OR2L13: variants seen among roughly 807,000 people sequenced by gnomAD.
The protein encoded by OR2L13 is olfactory receptor family 2 subfamily L member 13, also known as olfactory receptor 2L13.
Under a neutral mutation model 15.3 loss-of-function variants are expected in OR2L13, and 14 were observed. The ratio of observed to expected loss-of-function variants is 0.91; its 90% confidence interval spans 0.60 to 1.43. OR2L13 has a LOEUF of 1.43. OR2L13 is among the 40% of genes most tolerant of loss of function. OR2L13 has a pLI of 0.00. For missense variants in OR2L13, 367 were observed against 387.9 expected (o/e 0.95, Z 0.45); for synonymous variants, 152 against 142.9 (o/e 1.06, Z -0.45).
upstream of OR2L13, among the ~76,000 whole-genome samples, chr1:248,095,532 C>T (rs187254610): frequency 2.0e-5 from 3 of 147,888 alleles, no homozygotes; most frequent in Admixed American, 2.1e-4. Flanking sequence ...ACTATCAGAA[C>T]ATAGTTTGAT....
the OR2L13 span, among the ~76,000 whole-genome samples, chr1:247,960,236 C>T: frequency 0.8 from 121,242 of 151,912 alleles, 52,566 homozygotes; most frequent in South Asian, 0.95. Flanking sequence ...GTATCAGCAG[C>T]GGAGGCTGCA....
At chr1:248,100,051 C>T (rs868306762) in exon 3 of OR2L13, 1 of 1,614,084 alleles carries the variant, frequency 6.2e-7, no homozygotes, top group Non-Finnish European at 8.5e-7. Context: ...TGCTGTCTAT[C>T]ATATGCACTC....
upstream of OR2L13, among the ~76,000 whole-genome samples, chr1:248,090,653 A>G (rs1435029128): frequency 1.3e-5 from 2 of 152,188 alleles, no homozygotes; most frequent in Non-Finnish European, 2.9e-5. Context: ...TTCGTGGTGT[A>G]TATGTACTAC....
At chr1:247,959,098 C>G in the OR2L13 span, among the ~76,000 whole-genome samples, 12 of 152,172 alleles carry the variant, frequency 7.9e-5, no homozygotes, top group South Asian at 4.2e-4. Context: ...TCCTTTCCAT[C>G]TTTAGTGCTT....
the OR2L13 span, among the ~76,000 whole-genome samples, chr1:247,956,857 C>T: frequency 4.6e-5 from 7 of 152,080 alleles, no homozygotes; most frequent in East Asian, 9.7e-4. Context: ...GAGACAATGG[C>T]GTTTTCTAGA....
At chr1:248,077,105 G>A in the OR2L13 span, among the ~76,000 whole-genome samples, 1 of 151,992 alleles carries the variant, frequency 6.6e-6, no homozygotes, top group African/African-American at 2.4e-5. Context: ...ATAATCATGT[G>A]GTTTTTGTCA....
the OR2L13 span, among the ~76,000 whole-genome samples, chr1:248,083,172 G>A: frequency 6.6e-6 from 1 of 152,038 alleles, no homozygotes; most frequent in Non-Finnish European, 1.5e-5. Context: ...AATGTGATTT[G>A]TCTTTGGTGG....
exon 3 of OR2L13, chr1:248,099,427 C>T: frequency 1.2e-6 from 2 of 1,613,844 alleles, no homozygotes; most frequent in Non-Finnish European, 1.7e-6. Flanking sequence ...GGGTCTGCTT[C>T]CCCCAAATCA....
chr1:247,949,679 T>G, the OR2L13 span: 8 of 1,613,840 alleles, frequency 5.0e-6, no homozygotes, highest in Admixed American at 1.7e-5. Context: ...AGGTTCTGGC[T>G]GTCTTCTACA....
At chr1:248,000,123 G>GTGTGTGTGTGTGTGTGTGTGTGTGT in the OR2L13 span, among the ~76,000 whole-genome samples, 2 of 138,246 alleles carry the variant, frequency 1.4e-5, no homozygotes, top group African/African-American at 5.3e-5. Flanking sequence ...TTTTTTTTTT[G>GTGTGTGTGTGTGTGTGTGTGTGTGT]GTGTGTGTGT....
chr1:248,009,376 C>T, the OR2L13 span, among the ~76,000 whole-genome samples: 1 of 152,104 alleles, frequency 6.6e-6, no homozygotes, highest in South Asian at 2.1e-4. Flanking sequence ...CGACTATCAT[C>T]AGAGAATACT....
chr1:247,947,080 T>G, the OR2L13 span, among the ~76,000 whole-genome samples: 1 of 152,030 alleles, frequency 6.6e-6, no homozygotes, highest in African/African-American at 2.4e-5. Flanking sequence ...TAGAGTTTTC[T>G]TACTTTGTCT....
the OR2L13 span, chr1:247,965,850 A>T: frequency 6.2e-7 from 1 of 1,613,602 alleles, no homozygotes; most frequent in Non-Finnish European, 8.5e-7. Flanking sequence ...ATGCTTTCAT[A>T]CATACATTGT....
chr1:248,039,309 G>T, the OR2L13 span: 1 of 1,082,708 alleles, frequency 9.2e-7, no homozygotes, highest in South Asian at 1.9e-5. Context: ...TCAAACAGAA[G>T]TTAATCTAGA....
the OR2L13 span, among the ~76,000 whole-genome samples, chr1:248,011,357 G>T: frequency 1.3e-5 from 2 of 152,100 alleles, no homozygotes; most frequent in Non-Finnish European, 2.9e-5. Flanking sequence ...GGGTAAACCA[G>T]TCTTTCTCTC....
the OR2L13 span, among the ~76,000 whole-genome samples, chr1:248,021,030 A>G: frequency 1.7e-4 from 26 of 152,022 alleles, no homozygotes; most frequent in Non-Finnish European, 7.4e-5. Flanking sequence ...AAATGTAGAA[A>G]AAAATCATCC....
At chr1:247,958,953 A>G in the OR2L13 span, among the ~76,000 whole-genome samples, 4 of 152,144 alleles carry the variant, frequency 2.6e-5, no homozygotes, top group Non-Finnish European at 4.4e-5. Context: ...TTTAAGGTTA[A>G]TATTGTTATG....
At chr1:248,067,336 A>T in the OR2L13 span, among the ~76,000 whole-genome samples, 2 of 152,238 alleles carry the variant, frequency 1.3e-5, no homozygotes, top group Non-Finnish European at 2.9e-5. Flanking sequence ...CTTCACAGGT[A>T]GTTTTAATTG....
the OR2L13 span, among the ~76,000 whole-genome samples, chr1:247,968,066 A>G: frequency 6.6e-6 from 1 of 152,096 alleles, no homozygotes; most frequent in Admixed American, 6.6e-5. Flanking sequence ...TAGAAAGGAG[A>G]AAGAGGAACA....
Sources: gnomAD v4.1 joint callset for allele counts (sites outside exome capture counted in the v4.1 genomes callset) on GRCh38, gnomAD v4.1.1 for gene constraint, MANE v1.5 for transcripts, NCBI Gene and HGNC (gene_info 2026-07-23, HGNC 2026-07-21) for gene names.